Variants in OSCAR observed in about 807,000 individuals in gnomAD.
OSCAR encodes osteoclast-associated immunoglobulin-like receptor.
A neutral mutation model predicts 27.3 loss-of-function variants in OSCAR; 25 were observed. The observed-to-expected ratio is 0.92, with a 90% CI of 0.67 to 1.28. The LOEUF (loss-of-function observed/expected upper bound fraction) is 1.28, where lower values mean the gene tolerates loss of function less well. Ranked by LOEUF, OSCAR falls within the 50% of genes most tolerant of loss-of-function variation. The pLI is 0.00. For missense variants in OSCAR, 354 were observed against 355.1 expected, an observed-to-expected ratio of 1.00 and a Z score of 0.03; for synonymous variants, 158 against 165.7, an observed-to-expected ratio of 0.95 and a Z score of 0.36.
chr19:54,095,601 G>A (rs2072604460), intron 4 of OSCAR: 2 of 1,135,660 alleles, frequency 1.8e-6, no homozygotes, highest in Non-Finnish European at 2.4e-6. Context: ...AGGGGCTGGG[G>A]GCCTGGAGTC....
At chr19:54,098,558 C>G (rs2072869186) in intron 2 of OSCAR, among the ~76,000 whole-genome samples, 1 of 151,180 alleles carries the variant, frequency 6.6e-6, no homozygotes, top group South Asian at 2.1e-4. Context: ...AGTGAGAACT[C>G]CATGGTGGCA....
At position 54,097,025 on chromosome 19, in the gene OSCAR, G is replaced by A. The variant is rs1414602729; in HGVS notation, c.210C>T (p.Ile70=). Residue 70 remains isoleucine (I), a synonymous_variant, in exon 3 of 5, where the codon ATC becomes ATT. Transcript: ENST00000358375. ...WRFGLFKPGE[I]APLLFRDVSS... ...ACACATCCCGGAAGAGAAGGGGAGC[G>A]ATCTCTCCAGGCTTGAAAAGTCCAA... The A allele has an allele frequency of 6.2e-6, 10 of 1,614,064 alleles. No homozygotes were observed. Among genetic ancestry groups the A allele is most frequent in the African/African-American group, 5.3e-5 (4 of 74,922 alleles).
intron 4 of OSCAR, chr19:54,095,626 G>C (rs2072607194): frequency 9.7e-7 from 1 of 1,035,790 alleles, no homozygotes; most frequent in African/African-American, 1.6e-5. Flanking sequence ...GTCTGAGGGA[G>C]GAGGTACTGG....
intron 2 of OSCAR, 84 bp from the exon 3 acceptor site, chr19:54,097,248 C>G (rs1013631855): frequency 2.2e-6 from 3 of 1,382,246 alleles, no homozygotes; most frequent in African/African-American, 2.9e-5. Flanking sequence ...AGGAAAATCA[C>G]CTTGGACAAT....
rs749090701 is a variant in OSCAR at position 54,095,373 on chromosome 19, GGA to G, written c.656-18_656-17del. On this transcript the variant is annotated splice_polypyrimidine_tract_variant and intron_variant, in intron 4 of 4. Coordinates refer to ENST00000358375, the MANE Select transcript of OSCAR (RefSeq NM_133169.6). ...GAGCCAGAGTCTGCGGGCGGAGCCG[GGA>G]GAGAGGGGCCATCAGCTCCCGGACC... 37 of 1,549,652 alleles carry G rather than the reference GGA, an allele frequency of 2.4e-5. 1 individual carries two copies. The African/African-American group carries it at 4.0e-4, about 17-fold the overall frequency.
At chr19:54,099,221 C>T (rs1361099652) in intron 2 of OSCAR, among the ~76,000 whole-genome samples, 2 of 115,692 alleles carry the variant, frequency 1.7e-5, no homozygotes, top group Non-Finnish European at 3.5e-5. Context: ...TCCCACCACA[C>T]CCGGCTAATT....
intron 2 of OSCAR, among the ~76,000 whole-genome samples, chr19:54,099,244 T>TTTTTTTTTTTTTTTTTTTTTTGTTTTTG (rs1267618078): frequency 1.5e-5 from 2 of 133,196 alleles, no homozygotes; most frequent in Non-Finnish European, 1.6e-5. Flanking sequence ...TTTTTTTTTT[T>TTTTTTTTTTTTTTTTTTTTTTGTTTTTG]TTTTTTTTTA....
rs1299940362 is a variant in OSCAR, at chr19:54,095,942, G to T, written c.585C>A (p.Cys195Ter). 1 of 1,588,496 alleles carries T rather than the reference G, an allele frequency of 6.3e-7. No homozygotes were observed. Among genetic ancestry groups the T allele is most frequent in the East Asian group, 2.3e-5 (1 of 43,710 alleles). ...LGARAPGTYS[C>*]YYHTPSAPYV... ...AGGGCGCGGAGGGCGTGTGATAGTA[G>T]CAGCTGTAGGTGCCGGGGGCGCGGG... The change falls in exon 4 of 5, where the codon TGC becomes TGA. Residue 195 changes from cysteine (C) to a stop codon, truncating the protein, a stop_gained. Transcript: ENST00000358375. LOFTEE classifies it high-confidence loss of function.
chr19:54,095,726 G>T, intron 4 of OSCAR, 146 bp downstream of exon 4: 1 of 1,323,778 alleles, frequency 7.6e-7, no homozygotes, highest in Non-Finnish European at 1.0e-6. Flanking sequence ...AGGAATCCTG[G>T]GTCTGAGGGA....
chr19:54,096,713 C>T (rs1450404657), intron 3 of OSCAR, 149 bp downstream of exon 3: 86 of 859,166 alleles, frequency 1.0e-4, no homozygotes, highest in Admixed American at 5.1e-4. Flanking sequence ...CTGTCTCTCT[C>T]TCTCCCCCTA....
intron 2 of OSCAR, among the ~76,000 whole-genome samples, chr19:54,099,266 G>A (rs1201497652): frequency 8.2e-6 from 1 of 122,428 alleles, no homozygotes; most frequent in Non-Finnish European, 1.7e-5. Context: ...TAGAGACGGG[G>A]TTTCACCACA....
chr19:54,100,361 G>A (rs953273922), intron 1 of OSCAR, among the ~76,000 whole-genome samples: 4 of 152,100 alleles, frequency 2.6e-5, no homozygotes, highest in South Asian at 2.1e-4. Context: ...AACAATGATC[G>A]TAGAGTTTCT....
At chr19:54,100,715 AC>A in intron 1 of OSCAR, 40 bp downstream of exon 1, 1 of 1,546,644 alleles carries the variant, frequency 6.5e-7, no homozygotes, top group South Asian at 1.2e-5. Flanking sequence ...TCTGCCCCCA[AC>A]CCCAGCCAGG....
At position 54,095,332 on chromosome 19, in the gene OSCAR, C is replaced by G; in HGVS notation, c.681G>C (p.Arg227=). 1.3e-6 allele frequency: 2 copies of G among 1,572,714 alleles called. No individual in the cohort carries two copies. The highest frequency in any genetic ancestry group is 1.2e-5 in the South Asian group (1 of 85,930). ...WEDSGSSDYT[R]GNLVRLGLAG... ...CCAGCCCCAGGCGGACTAGGTTCCC[C>G]CGGGTGTAGTCGGAGGAGCCAGAGT... The change falls in exon 5 of 5, where the codon CGG becomes CGC. Residue 227 remains arginine, a synonymous_variant. Transcript: ENST00000358375.
Position 54,095,965 on chromosome 19 carries a change from G to T in OSCAR, c.562C>A (p.Arg188Ser). 3 of 1,590,362 alleles carry T rather than the reference G, an allele frequency of 1.9e-6. No individual in the cohort carries two copies. The highest frequency in any genetic ancestry group is 2.6e-6 in the Non-Finnish European group (3 of 1,169,284). ...PWADFTLLGARAPGTYSCYYH... is the reference protein window; with the variant it reads ...PWADFTLLGASAPGTYSCYYH... ...TAGCAGCTGTAGGTGCCGGGGGCGC[G>T]GGCGCCCAGCAGCGTGAAGTCGGCC... The change falls in exon 4 of 5, where the codon CGC (arginine) becomes AGC (serine). Residue 188 changes from arginine (R) to serine (S), a missense_variant. Arg to Ser is a moderately radical substitution (Grantham distance 110). Transcript: ENST00000358375.
At chr19:54,097,853 G>A (rs55825697) in intron 2 of OSCAR, among the ~76,000 whole-genome samples, 1 of 151,618 alleles carries the variant, frequency 6.6e-6, no homozygotes, top group Non-Finnish European at 1.5e-5. Context: ...CTCCCACCTC[G>A]GCCTCCCAAA....
chr19:54,099,244 T>TTTTTTTTTTTTGTTTTTG (rs1267618078), intron 2 of OSCAR, among the ~76,000 whole-genome samples: 8 of 133,254 alleles, frequency 6.0e-5, no homozygotes, highest in Non-Finnish European at 1.3e-4. Context: ...TTTTTTTTTT[T>TTTTTTTTTTTTGTTTTTG]TTTTTTTTTA....
chr19:54,099,255 G>GTTTTTTTTTTTTTTTTTTTTTTT (rs1555783369), intron 2 of OSCAR, among the ~76,000 whole-genome samples: 1 of 22,092 alleles, frequency 4.5e-5, no homozygotes, highest in Non-Finnish European at 9.8e-5. Context: ...TTTTTTTTTA[G>GTTTTTTTTTTTTTTTTTTTTTTT]TAGAGACGGG....
intron 1 of OSCAR, among the ~76,000 whole-genome samples, chr19:54,100,040 G>A (rs2072965700): frequency 6.6e-6 from 1 of 152,018 alleles, no homozygotes; most frequent in Non-Finnish European, 1.5e-5. Context: ...TTGAACTCCT[G>A]TCCTCAGGTG....
Sources: allele counts gnomAD v4.1 joint callset (sites outside exome capture counted in the v4.1 genomes callset), GRCh38; gene constraint gnomAD v4.1.1; transcripts MANE v1.5; gene names NCBI Gene and HGNC (gene_info 2026-07-23, HGNC 2026-07-21).